CACNA1C: variants seen among roughly 807,000 people sequenced by gnomAD.
The protein encoded by CACNA1C is voltage-dependent L-type calcium channel subunit alpha-1C.
Under a neutral mutation model 229.0 loss-of-function variants are expected in CACNA1C, and 30 were observed. That is an observed-to-expected ratio of 0.13 (90% CI 0.10 to 0.18). The LOEUF is 0.18. Among genes scored for constraint, CACNA1C ranks in the 10% least tolerant of loss-of-function variants. The pLI is 1.00. For missense variants in CACNA1C, 1,658 were observed against 2,845.0 expected, an observed-to-expected ratio of 0.58 and a Z score of 9.49; for synonymous variants, 1,114 against 1,132.5, an observed-to-expected ratio of 0.98 and a Z score of 0.33.
chr12:2,659,701 AAAAAT>A (rs549193996), intron 34 of CACNA1C, among the ~76,000 whole-genome samples: 204 of 152,352 alleles, frequency 1.3e-3, no homozygotes, highest in African/African-American at 4.6e-3. Context: ...ATGCATTTTT[AAAAAT>A]AAAAGCATAA....
At chr12:2,446,388 A>G (rs56296025) in intron 3 of CACNA1C, among the ~76,000 whole-genome samples, 22,095 of 125,394 alleles carry the variant, frequency 0.18, 2,065 homozygotes, top group Middle Eastern at 0.22. Flanking sequence ...GGATGGATGG[A>G]TGGGTGGATG....
At chr12:2,429,982 T>A (rs748026876) in intron 3 of CACNA1C, among the ~76,000 whole-genome samples, 1 of 152,198 alleles carries the variant, frequency 6.6e-6, no homozygotes, top group African/African-American at 2.4e-5. Flanking sequence ...TGGGGACTTA[T>A]AAACCACAGA....
intron 1 of CACNA1C, among the ~76,000 whole-genome samples, chr12:2,002,952 A>T (rs1409529635): frequency 1.3e-5 from 2 of 152,164 alleles, no homozygotes; most frequent in Non-Finnish European, 2.9e-5. Context: ...TTCCCCTGGA[A>T]ACTAGGGGGA....
chr12:2,414,425 G>A (rs992587721), intron 3 of CACNA1C, among the ~76,000 whole-genome samples: 1 of 152,120 alleles, frequency 6.6e-6, no homozygotes, highest in Non-Finnish European at 1.5e-5. Flanking sequence ...CCAGCTTCCC[G>A]TGGATGGCCG....
Position 2,668,758 on chromosome 12 carries a change from C to T in CACNA1C, c.4624-175C>T. Reference sequence around the variant, plus strand: ...GGTACCAAACCATTTATGAGAAATCCACCCCATGATGCAATCACCTTCCAT... The same window carrying T: ...GGTACCAAACCATTTATGAGAAATCTACCCCATGATGCAATCACCTTCCAT... On this transcript the variant is annotated intron_variant, in intron 37 of 46. Coordinates refer to ENST00000399655, the MANE Select transcript of CACNA1C (RefSeq NM_000719.7). The T allele has an allele frequency of 5.0e-6, 3 of 599,974 alleles. No individual in the cohort carries two copies. The South Asian group carries it at 5.9e-5, about 12-fold the overall frequency. 37.2% of individuals were successfully genotyped at this position (599,974 alleles called of 1,614,324 possible).
At chr12:2,615,435 A>G (rs1188869450) in intron 29 of CACNA1C, among the ~76,000 whole-genome samples, 2 of 152,266 alleles carry the variant, frequency 1.3e-5, no homozygotes, top group African/African-American at 4.8e-5. Flanking sequence ...AAAGGAATTC[A>G]AGAAAAGCTG....
chr12:2,375,508 C>T (rs915503079), intron 3 of CACNA1C, among the ~76,000 whole-genome samples: 1 of 152,176 alleles, frequency 6.6e-6, no homozygotes, highest in Non-Finnish European at 1.5e-5. Context: ...AGGTCCCCAA[C>T]GTTACACTCA....
Position 2,686,252 on chromosome 12 carries a change from C to T in CACNA1C, c.5767C>T (p.His1923Tyr), listed in dbSNP as rs764638599. Residue 1923 changes from histidine (H) to tyrosine (Y), a missense_variant, in exon 45 of 47, where the codon CAT (histidine) becomes TAT (tyrosine). This residue lies in a region of CACNA1C where 590 missense variants were observed against 700.8 expected (regional missense o/e 0.84). Transcript: ENST00000399655. Reference protein sequence around the residue: ...DISQKTVLPLHLVHHQALAVA... With the variant: ...DISQKTVLPLYLVHHQALAVA... ...CTCTCAGAAGACAGTCCTGCCCTTG[C>T]ATCTGGTTCATCATCAGGTAGCTCA... 1 of 1,610,952 alleles carries T rather than the reference C, an allele frequency of 6.2e-7. No homozygotes were observed. The highest frequency in any genetic ancestry group is 1.7e-5 in the Admixed American group (1 of 60,036).
chr12:2,198,236 C>T (rs2097474146), intron 3 of CACNA1C, among the ~76,000 whole-genome samples: 1 of 152,176 alleles, frequency 6.6e-6, no homozygotes, highest in South Asian at 2.1e-4. Flanking sequence ...ATACCCAGAT[C>T]TGGCAGCATC....
At chr12:2,248,785 C>T (rs1342493024) in intron 3 of CACNA1C, among the ~76,000 whole-genome samples, 1 of 152,232 alleles carries the variant, frequency 6.6e-6, no homozygotes, top group Non-Finnish European at 1.5e-5. Context: ...CCAACCTTGG[C>T]GGTGACGGAC....
intron 3 of CACNA1C, among the ~76,000 whole-genome samples, chr12:2,338,746 CTTGG>C (rs2096776024): frequency 6.6e-6 from 1 of 152,126 alleles, no homozygotes. Context: ...TAGCAGGAGC[CTTGG>C]AGGAGGTGCC....
intron 1 of CACNA1C, among the ~76,000 whole-genome samples, chr12:2,111,416 C>T (rs1017054339): frequency 6.6e-6 from 1 of 152,110 alleles, no homozygotes; most frequent in Non-Finnish European, 1.5e-5. Context: ...GATGTGTTCT[C>T]AGGCTGGGGC....
intron 29 of CACNA1C, among the ~76,000 whole-genome samples, chr12:2,624,310 G>C (rs2085075622): frequency 6.6e-6 from 1 of 152,184 alleles, no homozygotes; most frequent in Non-Finnish European, 1.5e-5. Context: ...GTGTGAGAGG[G>C]TTCTGCCCAG....
intron 3 of CACNA1C, among the ~76,000 whole-genome samples, chr12:2,432,039 G>A (rs1019871060): frequency 3.3e-5 from 5 of 152,106 alleles, no homozygotes; most frequent in African/African-American, 1.2e-4. Context: ...AGCTTTTATT[G>A]TACTCTGTTT....
intron 1 of CACNA1C, among the ~76,000 whole-genome samples, chr12:2,042,340 A>G (rs1041707797): frequency 3.9e-5 from 6 of 152,238 alleles, no homozygotes; most frequent in South Asian, 2.1e-4. Context: ...TTTTATAAAC[A>G]TAAGGCTTTG....
intron 3 of CACNA1C, among the ~76,000 whole-genome samples, chr12:2,211,209 C>T (rs572089751): frequency 6.6e-6 from 1 of 152,322 alleles, no homozygotes; most frequent in East Asian, 1.9e-4. Flanking sequence ...TCCTCCCAGG[C>T]AGTCAGGTCA....
chr12:2,334,517 G>A (rs1018464650), intron 3 of CACNA1C, among the ~76,000 whole-genome samples: 1 of 152,162 alleles, frequency 6.6e-6, no homozygotes, highest in African/African-American at 2.4e-5. Flanking sequence ...TTCAGATACT[G>A]ACTCCAGCCA....
chr12:2,004,132 T>G, intron 1 of CACNA1C: 2 of 977,026 alleles, frequency 2.0e-6, no homozygotes, highest in Non-Finnish European at 1.5e-6. Flanking sequence ...CGAGACCCCA[T>G]CTCCACAACT....
intron 1 of CACNA1C, among the ~76,000 whole-genome samples, chr12:2,059,395 G>A (rs1482959173): frequency 1.3e-5 from 2 of 152,084 alleles, no homozygotes; most frequent in African/African-American, 2.4e-5. Context: ...CTCAGGAGTC[G>A]GACCGAGGTT....
Sources: allele counts gnomAD v4.1 joint callset (sites outside exome capture counted in the v4.1 genomes callset), GRCh38; gene constraint gnomAD v4.1.1; regional missense constraint gnomAD v4.1.1; transcripts MANE v1.5; gene names NCBI Gene and HGNC (gene_info 2026-07-23, HGNC 2026-07-21).